Variants in PPP2R5C observed in about 807,000 individuals in gnomAD.
PPP2R5C encodes protein phosphatase 2 regulatory subunit B'gamma, also known as serine/threonine-protein phosphatase 2A 56 kDa regulatory subunit gamma isoform.
In PPP2R5C, 7 loss-of-function variants were observed where a neutral mutation model predicts 68.9. The ratio of observed to expected loss-of-function variants is 0.10; its 90% CI spans 0.06 to 0.19. PPP2R5C has a LOEUF of 0.19. Among genes scored for constraint, PPP2R5C ranks in the 10% least tolerant of loss-of-function variants. The pLI is 1.00. For synonymous variants in PPP2R5C, 210 were observed against 222.2 expected, an observed-to-expected ratio of 0.95 and a Z score of 0.49; for missense variants, 348 against 641.3, an observed-to-expected ratio of 0.54 and a Z score of 4.94.
At chr14:101,808,280 T>A (rs966513975), upstream of PPP2R5C, among the ~76,000 whole-genome samples, 1 of 149,492 alleles carries the variant, frequency 6.7e-6, no homozygotes, top group African/African-American at 2.5e-5. Flanking sequence ...ACGTGCTCTT[T>A]AAAAAAAAAA....
At chr14:101,892,263 T>C (rs1394751484) in intron 6 of PPP2R5C, among the ~76,000 whole-genome samples, 2 of 151,998 alleles carry the variant, frequency 1.3e-5, no homozygotes, top group Non-Finnish European at 2.9e-5. Context: ...CCCTAACTGA[T>C]TTTTAACCAG....
chr14:101,852,386 AT>A (rs1235918355), intron 1 of PPP2R5C, among the ~76,000 whole-genome samples: 1 of 151,960 alleles, frequency 6.6e-6, no homozygotes, highest in Non-Finnish European at 1.5e-5. Context: ...TTTATCACTG[AT>A]TAATAACAGG....
intron 1 of PPP2R5C, among the ~76,000 whole-genome samples, chr14:101,838,047 T>C (rs2041232507): frequency 2.0e-5 from 3 of 152,206 alleles, no homozygotes; most frequent in Admixed American, 6.5e-5. Flanking sequence ...GTAAAGATTG[T>C]TATTAAATAA....
chr14:101,780,181 T>C (rs2037607413), intron 2 of PPP2R5C, among the ~76,000 whole-genome samples: 1 of 152,190 alleles, frequency 6.6e-6, no homozygotes, highest in South Asian at 2.1e-4. Context: ...CACCTAAAAA[T>C]ATTAACTGCA....
rs189739240 is a variant in PPP2R5C at position 101,817,203 on chromosome 14, G to A, written c.94+7167G>A. Among the ~76,000 whole-genome samples, 24 of 151,896 alleles carry A rather than the reference G, an allele frequency of 1.6e-4. No individual in the cohort carries two copies. The East Asian group carries it at 2.1e-3, about 13-fold the overall frequency. ...GATCTCCTGACCTCGTGTTCCACCC[G>A]CCTCGGCCTCCCAAAGTGCTGGGAT... On this transcript the variant is annotated intron_variant, in intron 1 of 13. Coordinates refer to ENST00000334743, the Ensembl canonical transcript of PPP2R5C.
At position 101,825,433 on chromosome 14, in the gene PPP2R5C, A is replaced by C. The variant is rs1469319795; in HGVS notation, c.94+15397A>C. On this transcript the variant is annotated intron_variant, in intron 1 of 13. Coordinates refer to ENST00000334743, the Ensembl canonical transcript of PPP2R5C. This position sits in a 1 kb window ranked among gnomAD's most constrained non-coding sequence, Gnocchi z 4.0. The stretch of plus-strand genomic sequence containing the variant: ...GCCAAGATCATGGGTTTAAGATTTG[A>C]GACTTGGCCAAAAGGTAGCTTTCCT... Among the ~76,000 whole-genome samples, 1 of 152,252 alleles carries C rather than the reference A, an allele frequency of 6.6e-6. No individual in the cohort carries two copies. The highest frequency in any genetic ancestry group is 1.9e-4 in the East Asian group (1 of 5,184).
intron 3 of PPP2R5C, among the ~76,000 whole-genome samples, chr14:101,789,011 A>G (rs2038243950): frequency 2.6e-5 from 4 of 151,908 alleles, no homozygotes; most frequent in Admixed American, 2.6e-4. Context: ...TTCCACTTCT[A>G]ATTGGTTTTT....
At chr14:101,824,113 C>A in intron 1 of PPP2R5C, 1 of 1,288,658 alleles carries the variant, frequency 7.8e-7, no homozygotes, top group Admixed American at 2.3e-5. Flanking sequence ...CTCGCACATC[C>A]CGAGAGATTC....
chr14:101,883,100 C>G (rs2044261952), intron 3 of PPP2R5C, 157 bp from the exon 6 acceptor site: 1 of 590,390 alleles, frequency 1.7e-6, no homozygotes, highest in Admixed American at 3.4e-5. Context: ...CACCATTTAT[C>G]ATTGAATTAA....
intron 2 of PPP2R5C, among the ~76,000 whole-genome samples, chr14:101,764,049 CG>C (rs1485708884): frequency 3.6e-5 from 5 of 140,824 alleles, no homozygotes; most frequent in Non-Finnish European, 3.1e-5. Flanking sequence ...ACTTGCGCGT[CG>C]GCCACTTGTA....
intron 1 of PPP2R5C, chr14:101,820,729 C>T (rs1244045515): frequency 6.6e-6 from 1 of 152,152 alleles, no homozygotes; most frequent in East Asian, 1.9e-4. Flanking sequence ...ATCCGCCTGT[C>T]TTCTGTTGAG....
chr14:101,764,663 G>C (rs1388553916), intron 2 of PPP2R5C, among the ~76,000 whole-genome samples: 10 of 152,102 alleles, frequency 6.6e-5, no homozygotes, highest in Admixed American at 5.2e-4. Context: ...GTCCCTCCCT[G>C]TCTTTATAGC....
intron 13 of PPP2R5C, among the ~76,000 whole-genome samples, chr14:101,923,607 AC>A (rs1414812381): frequency 6.6e-6 from 1 of 152,128 alleles, no homozygotes; most frequent in East Asian, 1.9e-4. Context: ...TTCTCCTAAA[AC>A]CCTCACGCTG....
intron 1 of PPP2R5C, among the ~76,000 whole-genome samples, 179 bp downstream of exon 1, chr14:101,762,099 G>C (rs927834676): frequency 2.0e-5 from 3 of 151,516 alleles, no homozygotes; most frequent in Non-Finnish European, 4.4e-5. Context: ...CCTCATGCCC[G>C]GTGGGGGCGG....
In PPP2R5C at chr14:101,922,255, G is replaced by T. The variant is rs371443579; in HGVS notation, c.1444-2886G>T. ...TGTAATCCCAGCACTTTGGGAGGCC[G>T]AGGCGGGCAGATCACCTGAGGTCAG... is the stretch of plus-strand genomic sequence containing the variant. On this transcript the variant is annotated intron_variant, in intron 13 of 13. Coordinates refer to ENST00000334743, the Ensembl canonical transcript of PPP2R5C. The T allele has an allele frequency of 9.9e-6, 9 of 907,546 alleles. No homozygotes were observed. The African/African-American group carries it at 1.4e-4, about 15-fold the overall frequency. 56.2% of individuals were successfully genotyped at this position (907,546 alleles called of 1,614,324 possible). A position where few individuals can be genotyped will look rare whatever the true frequency, so the allele number is the denominator to read the frequency against.
chr14:101,902,105 T>G (rs1263333915), intron 9 of PPP2R5C, among the ~76,000 whole-genome samples: 1 of 152,214 alleles, frequency 6.6e-6, no homozygotes, highest in African/African-American at 2.4e-5. Flanking sequence ...TTTTTCTCAC[T>G]AAGAGCAGTC....
At chr14:101,817,830 A>G (rs956165299) in intron 1 of PPP2R5C, among the ~76,000 whole-genome samples, 1 of 152,228 alleles carries the variant, frequency 6.6e-6, no homozygotes, top group Non-Finnish European at 1.5e-5. Flanking sequence ...GTGAATGCAC[A>G]TAAAGAACTT....
chr14:101,834,716 G>A (rs552488823), intron 1 of PPP2R5C, among the ~76,000 whole-genome samples: 2 of 152,248 alleles, frequency 1.3e-5, no homozygotes, highest in African/African-American at 4.8e-5. Context: ...GTTATCAGGA[G>A]TCTGGATGGG....
chr14:101,897,513 G>A (rs2045411976), intron 8 of PPP2R5C, among the ~76,000 whole-genome samples: 1 of 151,756 alleles, frequency 6.6e-6, no homozygotes, highest in South Asian at 2.1e-4. Flanking sequence ...TGAGGAACTT[G>A]GATTCCGATG....
Sources: allele counts gnomAD v4.1 joint callset (sites outside exome capture counted in the v4.1 genomes callset), GRCh38; gene constraint gnomAD v4.1.1; non-coding constraint Gnocchi (gnomAD v3.1); transcripts MANE v1.5; gene names NCBI Gene and HGNC (gene_info 2026-07-23, HGNC 2026-07-21).